Variants in MARF1 observed in about 807,000 individuals in gnomAD.
The protein encoded by MARF1 is meiosis regulator and mRNA stability factor 1.
MARF1 carries 24 observed loss-of-function variants against 168.2 expected under a neutral mutation model. The observed-to-expected ratio is 0.14, with a 90% CI of 0.10 to 0.20. The LOEUF (loss-of-function observed/expected upper bound fraction) is 0.20. MARF1 is among the 10% of genes least tolerant of loss of function. The pLI is 1.00. For synonymous variants in MARF1, 868 were observed against 822.4 expected (o/e 1.06, Z -0.95); for missense variants, 1,744 against 2,143.6 (o/e 0.81, Z 3.68).
rs778509621 is a variant in MARF1 at position 15,598,943 on chromosome 16, C to A, written c.4895G>T (p.Cys1632Phe). 6.2e-7 allele frequency: 1 copy of A among 1,613,414 alleles called. No homozygotes were observed. The highest frequency in any genetic ancestry group is 2.2e-5 in the East Asian group (1 of 44,824). ...VDLLCAPVPS[C>F]LPSPQLRPDP... ...TGGTCTCAGCTGAGGGGACGGCAGG[C>A]ACGAGGGGACAGGCGCACACAGGAG... The change falls in exon 26 of 27, where the codon TGC (cysteine) becomes TTC (phenylalanine). Residue 1632 changes from cysteine to phenylalanine, a missense_variant. Coordinates refer to ENST00000396368, the MANE Select transcript of MARF1 (RefSeq NM_014647.4).
At chr16:15,640,179 T>G (rs1218622886) in intron 1 of MARF1, among the ~76,000 whole-genome samples, 26 of 152,324 alleles carry the variant, frequency 1.7e-4, no homozygotes, top group Non-Finnish European at 2.9e-5. Context: ...TAAAATTGAC[T>G]TAAGAGCAAC....
chr16:15,642,664 G>A (rs985486668), intron 1 of MARF1, among the ~76,000 whole-genome samples: 1 of 152,198 alleles, frequency 6.6e-6, no homozygotes, highest in African/African-American at 2.4e-5. Context: ...GCCGGGGAGG[G>A]GGGAGTGTGT....
At chr16:15,608,177 T>C (rs72770196) in intron 21 of MARF1, 114 bp downstream of exon 21, 48,248 of 665,638 alleles carry the variant, frequency 0.072, 2,097 homozygotes, top group Middle Eastern at 0.11. Flanking sequence ...AGTTAAGTAG[T>C]TCAAGGTGTA....
At chr16:15,638,241 A>G (rs911853575) in intron 2 of MARF1, among the ~76,000 whole-genome samples, 2 of 152,086 alleles carry the variant, frequency 1.3e-5, no homozygotes, top group African/African-American at 4.8e-5. Context: ...TCCCACATAC[A>G]ATAGAAAATA....
At position 15,612,786 on chromosome 16, in the gene MARF1, A is replaced by T; in HGVS notation, c.3254-9T>A. The T allele has an allele frequency of 1.2e-6, 2 of 1,610,130 alleles. No homozygotes were observed. The highest frequency in any genetic ancestry group is 1.7e-6 in the Non-Finnish European group (2 of 1,176,522). ...ACGCAGAAGCCAAGGGTCTAGAAGA[A>T]AAAGAACGTGTATAAGACAGAAAGC... On this transcript the variant is annotated splice_polypyrimidine_tract_variant and intron_variant, in intron 16 of 26. Coordinates refer to ENST00000396368, the MANE Select transcript of MARF1 (RefSeq NM_014647.4).
chr16:15,633,582 C>A, intron 5 of MARF1, 35 bp downstream of exon 5: 1 of 1,402,616 alleles, frequency 7.1e-7, no homozygotes. Context: ...TATTCCTCTA[C>A]TGTAGATTAA....
At chr16:15,600,770 G>A in intron 23 of MARF1, 69 bp from the exon 24 acceptor site, 1 of 1,535,316 alleles carries the variant, frequency 6.5e-7, no homozygotes, top group Non-Finnish European at 9.0e-7. Flanking sequence ...CATTCAGGAA[G>A]AGTGTGACCT....
intron 13 of MARF1, among the ~76,000 whole-genome samples, chr16:15,618,307 C>T (rs2034210448): frequency 6.6e-6 from 1 of 152,114 alleles, no homozygotes; most frequent in Admixed American, 6.5e-5. Context: ...TCCCATCTAC[C>T]AAACCAGCCC....
chr16:15,617,644 T>A (rs1185400251), intron 13 of MARF1, 109 bp from the exon 14 acceptor site: 2 of 732,018 alleles, frequency 2.7e-6, no homozygotes, highest in Admixed American at 2.4e-5. Flanking sequence ...TTCCTCCATC[T>A]CTTCAAAGGT....
intron 5 of MARF1, among the ~76,000 whole-genome samples, chr16:15,633,208 T>TACACACAC: frequency 2.4e-5 from 3 of 123,732 alleles, no homozygotes; most frequent in African/African-American, 9.4e-5. Flanking sequence ...CACACACACG[T>TACACACAC]ACAGCACTTT....
rs1214626036 is a variant in MARF1 at position 15,635,755 on chromosome 16, C to T, written c.732G>A (p.Ser244=). 5 of 1,614,052 alleles carry T rather than the reference C, an allele frequency of 3.1e-6. No homozygotes were observed. The highest frequency in any genetic ancestry group is 1.3e-5 in the African/African-American group (1 of 74,910). ...PGHLEEHISQ[S]ELTPHLCTNS... is the part of the protein sequence containing the mutation. The stretch of plus-strand genomic sequence containing the variant: ...TGGTGCACAAGTGAGGCGTTAGCTC[C>T]GACTGTGAAATGTGCTCTTCCAAAT... Residue 244 remains serine (S), a synonymous_variant, in exon 3 of 27, where the codon TCG becomes TCA. Coordinates refer to ENST00000396368, the MANE Select transcript of MARF1 (RefSeq NM_014647.4).
In MARF1 at chr16:15,614,685, C is replaced by T. The variant is rs192402087; in HGVS notation, c.3253+1145G>A. Among the ~76,000 whole-genome samples the T allele has an allele frequency of 2.8e-3, 424 of 151,512 alleles. 1 individual carries two copies. Among genetic ancestry groups the T allele is most frequent in the African/African-American group, 9.8e-3 (403 of 41,306 alleles). On this transcript the variant is annotated intron_variant, in intron 16 of 26. Transcript: ENST00000396368. ...GCGGGCGCCTGTAGTCCCAGCTCCT[C>T]AGGAGACTGAGGCAGGGGAATGGCG...
rs182392249 is a variant in MARF1, at chr16:15,633,701, T to G, written c.1149A>C (p.Lys383Asn). The change falls in exon 5 of 27, where the codon AAA (lysine) becomes AAC (asparagine). Residue 383 changes from lysine to asparagine, a missense_variant. By Grantham distance (94) the Lys-to-Asn change is moderately conservative (BLOSUM62 0). Coordinates refer to ENST00000396368, the MANE Select transcript of MARF1 (RefSeq NM_014647.4). ...VVQRIREKFF[K>N]GHREAEFICV... ...AGATGAATTCTGCTTCTCTGTGGCC[T>G]TTAAAAAACTTCTCACGGATTCTTT... 207 of 1,614,186 alleles carry G rather than the reference T, an allele frequency of 1.3e-4. 1 individual carries two copies. In the East Asian group the frequency reaches 3.4e-3, roughly 27 times the overall value.
At chr16:15,607,262 G>C (rs2033096958) in intron 21 of MARF1, among the ~76,000 whole-genome samples, 1 of 152,282 alleles carries the variant, frequency 6.6e-6, no homozygotes, top group African/African-American at 2.4e-5. Context: ...TTAAAAAACA[G>C]TGGGGGCTGG....
rs376068917 is a variant in MARF1, at chr16:15,596,793, A to G, written c.5129T>C (p.Leu1710Pro). 1.1e-5 allele frequency: 18 copies of G among 1,613,984 alleles called. No homozygotes were observed. The highest frequency in any genetic ancestry group is 1.5e-5 in the Non-Finnish European group (18 of 1,179,960). ...PCPSSETSES[L>P]LSKDPVESPA... ...GCTTTCCACGGGGTCCTTGCTGAGC[A>G]GTGACTCGGAGGTTTCCGAGGAGGG... The change falls in exon 27 of 27, where the codon CTG (leucine) becomes CCG (proline). Residue 1710 changes from leucine (L) to proline (P), a missense_variant. Physicochemically the swap from Leu to Pro is moderately conservative, Grantham distance 98. Coordinates refer to ENST00000396368, the MANE Select transcript of MARF1 (RefSeq NM_014647.4).
At chr16:15,634,244 G>A (rs76483660) in intron 4 of MARF1, among the ~76,000 whole-genome samples, 1 of 152,276 alleles carries the variant, frequency 6.6e-6, no homozygotes, top group East Asian at 1.9e-4. Flanking sequence ...AACCAACACT[G>A]AGGAGCTGAC....
chr16:15,598,344 A>G (rs2151009029), intron 26 of MARF1, among the ~76,000 whole-genome samples: 1 of 152,258 alleles, frequency 6.6e-6, no homozygotes, highest in Admixed American at 6.5e-5. Context: ...CCCTGAGCAC[A>G]GGGTCAGTGC....
Position 15,624,834 on chromosome 16 carries a change from A to G in MARF1, c.2205T>C (p.Ala735=). The change falls in exon 10 of 27, where the codon GCT becomes GCC. Residue 735 remains alanine, a synonymous_variant. Coordinates refer to ENST00000396368, the MANE Select transcript of MARF1 (RefSeq NM_014647.4). ...ETVFQVSYPS[A]FSKLVASRQV... is the part of the protein sequence containing the mutation. ...GCCTGGATGCAACTAACTTGCTAAA[A>G]GCAGACGGGTAACTCACTTGGAATA... 1 of 1,614,236 alleles carries G rather than the reference A, an allele frequency of 6.2e-7. No individual in the cohort carries two copies. Among genetic ancestry groups the G allele is most frequent in the African/African-American group, 1.3e-5 (1 of 75,060 alleles).
In MARF1 at chr16:15,604,242, T is replaced by C. The variant is rs1443269513; in HGVS notation, c.4339A>G (p.Thr1447Ala). ...CCATATTCACAGGGGTTAAGGGGAG[T>C]GTTGTGGGTACTTTCGTAATGTCTC... The part of the protein sequence containing the change: ...LKRHYESTHN[T>A]PLNPCEYGFM... The change falls in exon 22 of 27, where the codon ACT becomes GCT. Residue 1447 changes from threonine to alanine, a missense_variant. Transcript: ENST00000396368. 1.2e-6 allele frequency: 2 copies of C among 1,613,698 alleles called. No homozygotes were observed. The highest frequency in any genetic ancestry group is 2.2e-5 in the East Asian group (1 of 44,874).
Sources: gnomAD v4.1 joint callset for allele counts (sites outside exome capture counted in the v4.1 genomes callset) on GRCh38, gnomAD v4.1.1 for gene constraint, MANE v1.5 for transcripts, NCBI Gene and HGNC (gene_info 2026-07-23, HGNC 2026-07-21) for gene names.